Variants in DLG2 observed in about 807,000 individuals in gnomAD.
DLG2 encodes the protein disks large homolog 2.
DLG2 carries 45 observed loss-of-function variants against 132.5 expected under a neutral mutation model. The observed-to-expected ratio is 0.34, with a 90% CI of 0.27 to 0.44. The LOEUF (loss-of-function observed/expected upper bound fraction) is 0.44, where lower values mean the gene tolerates loss of function less well. Ranked by LOEUF, DLG2 falls within the 20% of genes least tolerant of loss-of-function variation. The pLI, the probability that DLG2 is intolerant of heterozygous loss-of-function variation, is 1.00. For synonymous variants in DLG2, 424 were observed against 419.6 expected, an observed-to-expected ratio of 1.01 and a Z score of -0.13; for missense variants, 1,045 against 1,196.9, an observed-to-expected ratio of 0.87 and a Z score of 1.87.
chr11:85,340,626 C>T (rs941324179), intron 3 of DLG2, among the ~76,000 whole-genome samples: 2 of 152,174 alleles, frequency 1.3e-5, no homozygotes, highest in Admixed American at 6.5e-5. Flanking sequence ...TACCCTACAA[C>T]TTAAAGTATA....
intron 6 of DLG2, among the ~76,000 whole-genome samples, chr11:84,740,917 G>C (rs2064532209): frequency 6.6e-6 from 1 of 151,976 alleles, no homozygotes; most frequent in African/African-American, 2.4e-5. Context: ...ACAGCCTCAT[G>C]GTGCCCTCCA....
At chr11:85,323,297 G>A (rs561771993) in intron 3 of DLG2, among the ~76,000 whole-genome samples, 3 of 152,302 alleles carry the variant, frequency 2.0e-5, no homozygotes, top group African/African-American at 4.8e-5. Context: ...GGCAGAAAAA[G>A]TTAACACCAT....
At chr11:85,135,961 A>G (rs1215053616) in intron 5 of DLG2, among the ~76,000 whole-genome samples, 3 of 152,148 alleles carry the variant, frequency 2.0e-5, no homozygotes, top group Non-Finnish European at 4.4e-5. Flanking sequence ...CTTTCTGGAG[A>G]GGGGCCTTGA....
chr11:85,386,361 T>C (rs921668713), intron 3 of DLG2, among the ~76,000 whole-genome samples: 1 of 152,184 alleles, frequency 6.6e-6, no homozygotes, highest in South Asian at 2.1e-4. Flanking sequence ...TGATCAAAGC[T>C]TCACAATTAA....
chr11:84,554,082 G>A (rs866083089), intron 6 of DLG2, among the ~76,000 whole-genome samples: 6 of 152,162 alleles, frequency 3.9e-5, no homozygotes, highest in Non-Finnish European at 2.9e-5. Context: ...TAAAACCCAT[G>A]AGCAACTTCT....
chr11:85,308,755 A>G (rs1273464499), intron 3 of DLG2, among the ~76,000 whole-genome samples: 1 of 152,208 alleles, frequency 6.6e-6, no homozygotes, highest in Non-Finnish European at 1.5e-5. Context: ...AAAATTATTT[A>G]ACTTTACTAT....
intron 6 of DLG2, among the ~76,000 whole-genome samples, chr11:84,660,496 G>C (rs1180248139): frequency 1.3e-5 from 2 of 152,084 alleles, no homozygotes; most frequent in African/African-American, 4.8e-5. Context: ...GGACTGGTCT[G>C]ATACCTCTTT....
intron 6 of DLG2, among the ~76,000 whole-genome samples, chr11:84,957,647 G>A (rs2051895525): frequency 6.6e-6 from 1 of 152,170 alleles, no homozygotes; most frequent in Non-Finnish European, 1.5e-5. Context: ...ATTACATTGA[G>A]TTGTTTACAA....
chr11:85,568,738 T>C (rs577435482), intron 3 of DLG2, among the ~76,000 whole-genome samples: 30 of 152,276 alleles, frequency 2.0e-4, no homozygotes, highest in African/African-American at 7.2e-4. Flanking sequence ...TCCTTATTTC[T>C]GTAAGATCAT....
At chr11:84,251,727 C>T (rs540152052) in intron 7 of DLG2, among the ~76,000 whole-genome samples, 24 of 150,802 alleles carry the variant, frequency 1.6e-4, no homozygotes, top group Non-Finnish European at 3.1e-4. Flanking sequence ...ACTCAGCCTC[C>T]GCCTCCTGGT....
chr11:83,776,603 T>A (rs1258970471), intron 18 of DLG2, among the ~76,000 whole-genome samples: 1 of 152,198 alleles, frequency 6.6e-6, no homozygotes, highest in Non-Finnish European at 1.5e-5. Flanking sequence ...CTTTCATTGT[T>A]TTTAGTAGAA....
intron 6 of DLG2, among the ~76,000 whole-genome samples, chr11:84,751,760 C>A (rs1264934691): frequency 6.6e-6 from 1 of 152,120 alleles, no homozygotes; most frequent in Non-Finnish European, 1.5e-5. Context: ...CAATTGATCA[C>A]AAGGCAGTAA....
At chr11:83,472,688 G>A (rs1434681734) in intron 23 of DLG2, 39 bp downstream of exon 23, 2 of 1,588,162 alleles carry the variant, frequency 1.3e-6, no homozygotes, top group Admixed American at 3.4e-5. Context: ...ACCTCTTATG[G>A]CCCAGAAATT....
chr11:83,530,911 T>A (rs929339969), intron 21 of DLG2, among the ~76,000 whole-genome samples: 4 of 152,030 alleles, frequency 2.6e-5, no homozygotes, highest in African/African-American at 7.2e-5. Flanking sequence ...TATATTTATG[T>A]ACATTTGCAA....
intron 3 of DLG2, among the ~76,000 whole-genome samples, chr11:85,445,212 T>C (rs1477416603): frequency 6.6e-6 from 1 of 152,126 alleles, no homozygotes; most frequent in African/African-American, 2.4e-5. Flanking sequence ...GTTAAAAGAT[T>C]TAATGTAAAG....
intron 16 of DLG2, among the ~76,000 whole-genome samples, chr11:83,872,605 G>A (rs1017407398): frequency 2.6e-5 from 4 of 152,120 alleles, no homozygotes; most frequent in Admixed American, 1.3e-4. Context: ...TGGTGATTAT[G>A]TCAACTACAG....
chr11:83,722,559 G>A (rs1392138993), intron 18 of DLG2, among the ~76,000 whole-genome samples: 5 of 152,152 alleles, frequency 3.3e-5, no homozygotes, highest in Non-Finnish European at 5.9e-5. Flanking sequence ...CTCCAGAGGC[G>A]GGGTGGGGAG....
chr11:84,842,672 G>A (rs185585605), intron 6 of DLG2, among the ~76,000 whole-genome samples: 13 of 151,982 alleles, frequency 8.6e-5, no homozygotes, highest in African/African-American at 2.2e-4. Context: ...AAGGTTGTGC[G>A]TAGTAGTAGG....
rs1303274580 is a variant in DLG2, at chr11:83,589,135, G to C, written c.1940+44076C>G. Among the ~76,000 whole-genome samples, 3 of 150,094 alleles carry C rather than the reference G, an allele frequency of 2.0e-5. No individual in the cohort carries two copies. The East Asian group carries it at 5.9e-4, about 29-fold the overall frequency. On this transcript the variant is annotated intron_variant, in intron 19 of 27. Transcript: ENST00000376104. Reference sequence around the variant, plus strand: ...CCAACGTTCAGATTCAGGAAATACAGAGAATGCCACAAAGATACTCCTCGA... The same window carrying C: ...CCAACGTTCAGATTCAGGAAATACACAGAATGCCACAAAGATACTCCTCGA...
Sources: gnomAD v4.1 joint callset for allele counts (sites outside exome capture counted in the v4.1 genomes callset) on GRCh38, gnomAD v4.1.1 for gene constraint, MANE v1.5 for transcripts, NCBI Gene and HGNC (gene_info 2026-07-23, HGNC 2026-07-21) for gene names.